The following SORCS1 variants were observed in gnomAD, a reference collection of about 807,000 sequenced individuals.
The protein encoded by SORCS1 is VPS10 domain-containing receptor SorCS1.
SORCS1 carries 60 observed loss-of-function variants against 146.1 expected under a neutral mutation model. The ratio of observed to expected loss-of-function variants is 0.41; its 90% CI spans 0.33 to 0.51. SORCS1 has a LOEUF of 0.51. SORCS1 is among the 20% of genes least tolerant of loss of function. The probability of loss-of-function intolerance (pLI) is 0.21; values close to 1 mark genes in which losing one functional copy is unlikely to be tolerated. For synonymous variants in SORCS1, 637 were observed against 584.0 expected, an observed-to-expected ratio of 1.09 and a Z score of -1.31; for missense variants, 1,352 against 1,487.6, an observed-to-expected ratio of 0.91 and a Z score of 1.50.
At position 106,808,145 on chromosome 10, in the gene SORCS1, G is replaced by A. The variant is rs1347244362; in HGVS notation, c.726+21429C>T. Among the ~76,000 whole-genome samples, 8 of 151,742 alleles carry A rather than the reference G, an allele frequency of 5.3e-5. No homozygotes were observed. The South Asian group carries it at 6.2e-4, about 12-fold the overall frequency. ...AGCAATTCTCCTGCCTCGGCCTCCC[G>A]AGTAGCTGGGATTAAGGCATGCAGC... On this transcript the variant is annotated intron_variant, in intron 3 of 25. Coordinates refer to ENST00000263054, the MANE Select transcript of SORCS1 (RefSeq NM_052918.5).
chr10:106,579,364 C>T lies in SORCS1; in HGVS notation c.3371+5G>A, dbSNP rs1190103272. 6.2e-7 allele frequency: 1 copy of T among 1,613,920 alleles called. No individual in the cohort carries two copies. Reference sequence around the variant, plus strand: ...GTGGGGGAACGTGGATAGAGGGACACGCACCTTTTAAACTTGTAGATGACG... The same window carrying T: ...GTGGGGGAACGTGGATAGAGGGACATGCACCTTTTAAACTTGTAGATGACG... On this transcript the variant is annotated splice_donor_5th_base_variant and intron_variant, in intron 25 of 25. Transcript: ENST00000263054.
intron 2 of SORCS1, among the ~76,000 whole-genome samples, chr10:106,863,072 C>T (rs939883285): frequency 3.9e-5 from 6 of 151,938 alleles, no homozygotes; most frequent in Non-Finnish European, 8.8e-5. Flanking sequence ...TGATTTCCCC[C>T]CAAACAAACA....
chr10:106,883,838 A>C (rs1257477470), intron 2 of SORCS1, among the ~76,000 whole-genome samples: 2 of 152,210 alleles, frequency 1.3e-5, no homozygotes, highest in Non-Finnish European at 2.9e-5. Context: ...TGCACAGGTA[A>C]GTTGACCTTT....
intron 4 of SORCS1, among the ~76,000 whole-genome samples, chr10:106,766,132 C>T (rs1262256257): frequency 2.6e-5 from 4 of 152,144 alleles, no homozygotes; most frequent in Non-Finnish European, 5.9e-5. Flanking sequence ...CCTGTGTTGG[C>T]GGAAAACATC....
chr10:106,620,201 T>C (rs1425750176), intron 20 of SORCS1: 1 of 449,832 alleles, frequency 2.2e-6, no homozygotes, highest in Admixed American at 4.1e-5. Flanking sequence ...GAGAAAAACG[T>C]AAACATAGAG....
At chr10:106,582,804 G>T (rs982353841) in intron 24 of SORCS1, among the ~76,000 whole-genome samples, 1 of 152,100 alleles carries the variant, frequency 6.6e-6, no homozygotes, top group Non-Finnish European at 1.5e-5. Context: ...AATCCTCTGA[G>T]GAATTTGGAA....
chr10:106,636,651 TC>T (rs1487450668), intron 18 of SORCS1, among the ~76,000 whole-genome samples: 1 of 152,162 alleles, frequency 6.6e-6, no homozygotes. Flanking sequence ...ACCCCTATGA[TC>T]CAATCACCTC....
At chr10:106,889,872 GAGA>G (rs2137863907) in intron 2 of SORCS1, among the ~76,000 whole-genome samples, 1 of 130,594 alleles carries the variant, frequency 7.7e-6, no homozygotes, top group South Asian at 2.6e-4. Context: ...GTGACAGAGT[GAGA>G]CTACGTCTCA....
At chr10:106,838,482 G>C (rs1308223127) in intron 2 of SORCS1, among the ~76,000 whole-genome samples, 1 of 152,104 alleles carries the variant, frequency 6.6e-6, no homozygotes, top group Non-Finnish European at 1.5e-5. Flanking sequence ...CATTCTTGGT[G>C]TTATACATTC....
intron 1 of SORCS1, among the ~76,000 whole-genome samples, chr10:107,136,547 G>GTCC (rs1169006427): frequency 3.9e-5 from 6 of 152,176 alleles, no homozygotes; most frequent in African/African-American, 1.2e-4. Flanking sequence ...AAAATGACTT[G>GTCC]TCCAAAGTCA....
intron 5 of SORCS1, among the ~76,000 whole-genome samples, chr10:106,757,378 A>G (rs1243760927): frequency 6.6e-6 from 1 of 152,148 alleles, no homozygotes; most frequent in Non-Finnish European, 1.5e-5. Flanking sequence ...CCAAGCAGAA[A>G]TGATTAAAGG....
chr10:106,779,547 ATTTT>A (rs11357093), intron 3 of SORCS1, among the ~76,000 whole-genome samples: 1 of 84,802 alleles, frequency 1.2e-5, no homozygotes, highest in African/African-American at 3.8e-5. Context: ...TATGGCCCAT[ATTTT>A]TTTTTTTTTT....
At chr10:107,032,185 A>G (rs1958685485) in intron 1 of SORCS1, among the ~76,000 whole-genome samples, 1 of 152,248 alleles carries the variant, frequency 6.6e-6, no homozygotes, top group South Asian at 2.1e-4. Flanking sequence ...AATAAAAGAC[A>G]CGTAGACACA....
At chr10:106,670,298 G>A (rs1431003004) in intron 16 of SORCS1, among the ~76,000 whole-genome samples, 1 of 152,178 alleles carries the variant, frequency 6.6e-6, no homozygotes, top group Non-Finnish European at 1.5e-5. Flanking sequence ...TTTCTGCTGA[G>A]CAAATGTCTC....
At chr10:106,896,539 T>C (rs1319574700) in intron 2 of SORCS1, among the ~76,000 whole-genome samples, 1 of 151,424 alleles carries the variant, frequency 6.6e-6, no homozygotes, top group Non-Finnish European at 1.5e-5. Context: ...ATTTACAAGA[T>C]GAAAATTTTT....
chr10:106,804,706 G>T (rs1947077509), intron 3 of SORCS1, among the ~76,000 whole-genome samples: 1 of 152,110 alleles, frequency 6.6e-6, no homozygotes, highest in Admixed American at 6.5e-5. Context: ...CACTTAAATA[G>T]ACTTTTCCTA....
At chr10:106,748,474 AT>A (rs1589796517) in intron 5 of SORCS1, among the ~76,000 whole-genome samples, 1 of 152,000 alleles carries the variant, frequency 6.6e-6, no homozygotes, top group Non-Finnish European at 1.5e-5. Flanking sequence ...CAGACCAGCG[AT>A]TCCCCCATCT....
At chr10:107,136,512 G>GA (rs1384720012) in intron 1 of SORCS1, among the ~76,000 whole-genome samples, 1 of 151,750 alleles carries the variant, frequency 6.6e-6, no homozygotes, top group African/African-American at 2.4e-5. Flanking sequence ...TTTCAGTGCA[G>GA]AAAAAAAACA....
intron 1 of SORCS1, among the ~76,000 whole-genome samples, chr10:107,162,331 A>G (rs1969774766): frequency 6.6e-6 from 1 of 152,228 alleles, no homozygotes; most frequent in African/African-American, 2.4e-5. Flanking sequence ...ATCTCCCCTT[A>G]AAGCCAGAAG....
Sources: gnomAD v4.1 joint callset for allele counts (sites outside exome capture counted in the v4.1 genomes callset) on GRCh38, gnomAD v4.1.1 for gene constraint, MANE v1.5 for transcripts, NCBI Gene and HGNC (gene_info 2026-07-23, HGNC 2026-07-21) for gene names.